The following SPMIP2 variants were observed in gnomAD, a reference collection of about 807,000 sequenced individuals.
SPMIP2 encodes protein SPMIP2.
the SPMIP2 span, among the ~76,000 whole-genome samples, chr4:158,921,123 G>C: frequency 6.9e-6 from 1 of 145,422 alleles, no homozygotes; most frequent in Non-Finnish European, 1.5e-5. Context: ...TCTCGTGACA[G>C]AGTTCTCACA....
At chr4:159,024,228 C>T in the SPMIP2 span, among the ~76,000 whole-genome samples, 1 of 152,226 alleles carries the variant, frequency 6.6e-6, no homozygotes, top group Admixed American at 6.5e-5. Context: ...ATGTCTCTGT[C>T]AGTGCCATTA....
the SPMIP2 span, chr4:159,007,001 G>A: frequency 2.5e-6 from 1 of 403,358 alleles, no homozygotes. Context: ...TGCCAGTGTT[G>A]TTCTAATATT....
At chr4:158,976,594 A>G in the SPMIP2 span, among the ~76,000 whole-genome samples, 1 of 147,988 alleles carries the variant, frequency 6.8e-6, no homozygotes, top group African/African-American at 2.5e-5. Flanking sequence ...ACGTTTATTG[A>G]TTTGCATATG....
At chr4:159,080,074 A>G in the SPMIP2 span, among the ~76,000 whole-genome samples, 1 of 152,224 alleles carries the variant, frequency 6.6e-6, no homozygotes, top group African/African-American at 2.4e-5. Flanking sequence ...AAATGGGAAT[A>G]ATAGTGAGAA....
chr4:159,082,465 G>GTGTGTATGTA, the SPMIP2 span, among the ~76,000 whole-genome samples: 344 of 149,326 alleles, frequency 2.3e-3, 1 homozygote, highest in African/African-American at 8.2e-3. Context: ...GTGTGTGTGT[G>GTGTGTATGTA]TGTGTGTGTG....
At chr4:159,077,560 T>C in the SPMIP2 span, among the ~76,000 whole-genome samples, 1 of 152,224 alleles carries the variant, frequency 6.6e-6, no homozygotes, top group African/African-American at 2.4e-5. Context: ...TAAATTACTC[T>C]CATTATTTAA....
chr4:158,915,227 T>A, the SPMIP2 span: 1 of 1,613,744 alleles, frequency 6.2e-7, no homozygotes, highest in South Asian at 1.1e-5. Flanking sequence ...TTGGCAATGA[T>A]GACTTACACT....
At chr4:159,027,558 T>A in the SPMIP2 span, among the ~76,000 whole-genome samples, 1 of 152,244 alleles carries the variant, frequency 6.6e-6, no homozygotes, top group East Asian at 1.9e-4. Context: ...TGTAAGCTTT[T>A]GTCATGAATT....
the SPMIP2 span, chr4:158,909,261 G>C: frequency 6.6e-6 from 1 of 152,016 alleles, no homozygotes; most frequent in Non-Finnish European, 1.5e-5. Context: ...GCCATACTGA[G>C]TTATGTTATC....
At chr4:159,010,049 T>G in the SPMIP2 span, among the ~76,000 whole-genome samples, 49,844 of 152,086 alleles carry the variant, frequency 0.33, 9,145 homozygotes, top group Middle Eastern at 0.4. Context: ...TTCTGGTTGC[T>G]TCTGCAGCAG....
the SPMIP2 span, among the ~76,000 whole-genome samples, chr4:159,059,766 A>G: frequency 2.0e-5 from 3 of 152,224 alleles, no homozygotes; most frequent in Non-Finnish European, 4.4e-5. Flanking sequence ...AGAGCATCAA[A>G]GGATTAATTG....
the SPMIP2 span, chr4:158,973,245 T>G: frequency 6.2e-7 from 1 of 1,613,914 alleles, no homozygotes; most frequent in Admixed American, 1.7e-5. Context: ...TAACGCCAGA[T>G]GCTGTTCTCC....
the SPMIP2 span, chr4:158,904,662 TC>T: frequency 1.1e-6 from 1 of 886,466 alleles, no homozygotes; most frequent in Non-Finnish European, 1.8e-6. Context: ...AAACAGTCAT[TC>T]CACCTTTTTG....
the SPMIP2 span, among the ~76,000 whole-genome samples, chr4:159,077,195 C>T: frequency 6.6e-6 from 1 of 151,298 alleles, no homozygotes; most frequent in African/African-American, 2.4e-5. Context: ...GGCTGGAGTA[C>T]AATGGTGCGG....
the SPMIP2 span, among the ~76,000 whole-genome samples, chr4:158,951,089 T>C: frequency 6.6e-6 from 1 of 152,260 alleles, no homozygotes; most frequent in African/African-American, 2.4e-5. Context: ...TTTTATATCT[T>C]ATTTTTATTT....
At chr4:158,942,588 G>C in the SPMIP2 span, among the ~76,000 whole-genome samples, 1 of 152,134 alleles carries the variant, frequency 6.6e-6, no homozygotes. Flanking sequence ...TGGCTAACAT[G>C]ATGAAACCCC....
At chr4:159,064,135 C>T in the SPMIP2 span, among the ~76,000 whole-genome samples, 1 of 152,128 alleles carries the variant, frequency 6.6e-6, no homozygotes, top group Non-Finnish European at 1.5e-5. Context: ...CACTTGAAGC[C>T]AGGAGGTGGA....
At chr4:158,919,511 A>G in the SPMIP2 span, among the ~76,000 whole-genome samples, 1 of 152,232 alleles carries the variant, frequency 6.6e-6, no homozygotes, top group African/African-American at 2.4e-5. Context: ...GGAATAACAC[A>G]GAATGACCAT....
the SPMIP2 span, among the ~76,000 whole-genome samples, chr4:158,893,905 T>G: frequency 6.6e-6 from 1 of 152,230 alleles, no homozygotes; most frequent in African/African-American, 2.4e-5. Context: ...CTTACTAGTG[T>G]GAATGACTTA....
Sources: allele counts gnomAD v4.1 joint callset (sites outside exome capture counted in the v4.1 genomes callset), GRCh38; gene constraint gnomAD v4.1.1; transcripts MANE v1.5; gene names NCBI Gene and HGNC (gene_info 2026-07-23, HGNC 2026-07-21).